The following PDZD8 variants were observed in gnomAD, a reference collection of about 807,000 sequenced individuals.
PDZD8 encodes the protein PDZ domain-containing protein 8.
A neutral mutation model predicts 85.8 loss-of-function variants in PDZD8; 14 were observed. That is an observed-to-expected ratio of 0.16 (90% CI 0.11 to 0.26). The LOEUF (loss-of-function observed/expected upper bound fraction) is 0.26, where lower values mean the gene tolerates loss of function less well. PDZD8 is among the 10% of genes least tolerant of loss of function. PDZD8 has a pLI of 1.00. For missense variants in PDZD8, 1,197 were observed against 1,424.3 expected (o/e 0.84, Z 2.57); for synonymous variants, 592 against 568.6 (o/e 1.04, Z -0.59).
intron 2 of PDZD8, among the ~76,000 whole-genome samples, chr10:117,339,508 T>C (rs1394780044): frequency 6.6e-6 from 1 of 152,222 alleles, no homozygotes; most frequent in Non-Finnish European, 1.5e-5. Flanking sequence ...CTACAGCTTA[T>C]GGTCTAAATT....
intron 2 of PDZD8, among the ~76,000 whole-genome samples, chr10:117,325,543 C>T (rs1328562955): frequency 2.0e-5 from 3 of 151,316 alleles, no homozygotes; most frequent in East Asian, 2.0e-4. Flanking sequence ...GCTGGGATTA[C>T]AGGCGCGTGC....
At position 117,283,779 on chromosome 10, in the gene PDZD8, C is replaced by G; in HGVS notation, c.2954G>C (p.Cys985Ser). 6.2e-7 allele frequency: 1 copy of G among 1,614,226 alleles called. No homozygotes were observed. The highest frequency in any genetic ancestry group is 8.5e-7 in the Non-Finnish European group (1 of 1,180,038). Residue 985 changes from cysteine (C) to serine (S), a missense_variant, in exon 5 of 5, where the codon TGT becomes TCT. Cys to Ser is a moderately radical substitution (Grantham distance 112). Transcript: ENST00000334464. Reference sequence around the variant, plus strand: ...CCGTTTAGAAGGACTGTTTGGACCACAGACCTCCGTGTCACTGCCTTCGTT... The same window carrying G: ...CCGTTTAGAAGGACTGTTTGGACCAGAGACCTCCGTGTCACTGCCTTCGTT... ...SDNEGSDTEV[C>S]GPNSPSKRGN...
chr10:117,374,333 C>T lies in PDZD8; in HGVS notation c.872+23G>A, dbSNP rs982869028. ...AGGCCCGGGTTCCCGGCAGCCAGGC[C>T]CCCTCCCCGACCTCCAGCTCACCTG... On this transcript the variant is annotated intron_variant, in intron 1 of 4. Transcript: ENST00000334464. The surrounding 1 kb of genome is among the most constrained non-coding windows in gnomAD (Gnocchi z 7.8). 5.0e-6 allele frequency: 8 copies of T among 1,606,988 alleles called. No individual in the cohort carries two copies. The Admixed American group carries it at 6.7e-5, about 13-fold the overall frequency.
intron 2 of PDZD8, among the ~76,000 whole-genome samples, chr10:117,335,131 C>T (rs1844494938): frequency 6.6e-6 from 1 of 152,138 alleles, no homozygotes; most frequent in Non-Finnish European, 1.5e-5. Context: ...GGTTGGAAAG[C>T]AGCCAGAGAA....
At chr10:117,357,524 G>C (rs1473541265) in intron 1 of PDZD8, among the ~76,000 whole-genome samples, 2 of 151,966 alleles carry the variant, frequency 1.3e-5, no homozygotes, top group Non-Finnish European at 2.9e-5. Flanking sequence ...CCAACATTTT[G>C]GGAGGCCGAG....
chr10:117,368,055 T>C (rs556968958), intron 1 of PDZD8, among the ~76,000 whole-genome samples: 13 of 152,326 alleles, frequency 8.5e-5, no homozygotes, highest in African/African-American at 3.1e-4. Flanking sequence ...GCCACTAAAA[T>C]AAGCTTTATG....
Position 117,278,606 on chromosome 10 carries a change from CAT to C in PDZD8, c.*4660_*4661del, listed in dbSNP as rs1271783572. 2 of 152,110 alleles carry C rather than the reference CAT, an allele frequency of 1.3e-5. No individual in the cohort carries two copies. Among genetic ancestry groups the C allele is most frequent in the Non-Finnish European group, 2.9e-5 (2 of 68,034 alleles). 9.4% of individuals were successfully genotyped at this position (152,110 alleles called of 1,614,324 possible). On this transcript the variant is annotated 3_prime_UTR_variant, in exon 5 of 5. Coordinates refer to ENST00000334464, the MANE Select transcript of PDZD8 (RefSeq NM_173791.5). ...CTTGTGAATCCTGCAGTTCTATAAT[CAT>C]AAACAAAAATTACTTAGTTTCGTTA...
In PDZD8 at chr10:117,280,232, A is replaced by G. The variant is rs145498532; in HGVS notation, c.*3036T>C. ...AAATGTTGCTCAGTTTGTCTAAGCCATTCACTCAGCTAATACTAATGTAGA... is the reference window on the plus strand; with the variant it reads ...AAATGTTGCTCAGTTTGTCTAAGCCGTTCACTCAGCTAATACTAATGTAGA... On this transcript the variant is annotated 3_prime_UTR_variant, in exon 5 of 5. Coordinates refer to ENST00000334464, the MANE Select transcript of PDZD8 (RefSeq NM_173791.5). The G allele has an allele frequency of 6.4e-4, 97 of 152,320 alleles. No homozygotes were observed. Among genetic ancestry groups the G allele is most frequent in the African/African-American group, 2.3e-3 (96 of 41,586 alleles). The allele number at this position is 152,320 out of a possible 1,614,324, so 9.4% of individuals were successfully genotyped here. A position where few individuals can be genotyped will look rare whatever the true frequency, so the allele number is the denominator to read the frequency against.
Position 117,350,797 on chromosome 10 carries a change from AGGAGGCTGAGGCAGGAGAATG to A in PDZD8, c.873-9716_873-9696del, listed in dbSNP as rs559945194. Among the ~76,000 whole-genome samples, 434 of 151,144 alleles carry A rather than the reference AGGAGGCTGAGGCAGGAGAATG, an allele frequency of 2.9e-3. 3 individuals are homozygous for A. The highest frequency in any genetic ancestry group is 9.9e-3 in the African/African-American group (407 of 41,284). Reference sequence around the variant, plus strand: ...CAGGTGCCTGGAGTCCCTGCTACTCAGGAGGCTGAGGCAGGAGAATGGCATGAACCTGGGAGGCAGAGCTTG... The same window carrying A: ...CAGGTGCCTGGAGTCCCTGCTACTCAGCATGAACCTGGGAGGCAGAGCTTG... On this transcript the variant is annotated intron_variant, in intron 1 of 4. Transcript: ENST00000334464.
chr10:117,357,302 C>T (rs772016729), intron 1 of PDZD8, among the ~76,000 whole-genome samples: 8 of 151,642 alleles, frequency 5.3e-5, no homozygotes, highest in Non-Finnish European at 1.0e-4. Context: ...GGCTGAAGCA[C>T]GAGAATCACT....
chr10:117,373,158 C>T (rs1052258693), intron 1 of PDZD8, among the ~76,000 whole-genome samples: 2 of 152,136 alleles, frequency 1.3e-5, no homozygotes, highest in Non-Finnish European at 2.9e-5. Flanking sequence ...AAAAGTCTTT[C>T]CCCTTCCACT....
At chr10:117,327,786 G>GT (rs924368580) in intron 2 of PDZD8, among the ~76,000 whole-genome samples, 2 of 151,996 alleles carry the variant, frequency 1.3e-5, no homozygotes, top group African/African-American at 4.8e-5. Context: ...TCTGAATTTG[G>GT]TTTTACCTTT....
chr10:117,372,825 A>G (rs1238001215), intron 1 of PDZD8, among the ~76,000 whole-genome samples: 2 of 152,180 alleles, frequency 1.3e-5, no homozygotes, highest in African/African-American at 2.4e-5. Context: ...CTGTTAGCCT[A>G]AACAAAACAT....
In PDZD8 at chr10:117,285,428, C is replaced by T; in HGVS notation, c.1305G>A (p.Lys435=). The change falls in exon 5 of 5, where the codon AAG becomes AAA. Residue 435 remains lysine, a synonymous_variant. Coordinates refer to ENST00000334464, the MANE Select transcript of PDZD8 (RefSeq NM_173791.5). ...TSTLQVLKLI[K]QAGDRVLVYY... ...ACACCAGGACTCGGTCACCAGCCTG[C>T]TTGATAAGCTTCAACACTTGCAGTG... is the stretch of plus-strand genomic sequence containing the variant. The T allele has an allele frequency of 6.2e-7, 1 of 1,612,114 alleles. No homozygotes were observed. The highest frequency in any genetic ancestry group is 8.5e-7 in the Non-Finnish European group (1 of 1,178,372).
intron 3 of PDZD8, among the ~76,000 whole-genome samples, chr10:117,306,599 T>C (rs1843947718): frequency 6.6e-6 from 1 of 152,078 alleles, no homozygotes; most frequent in African/African-American, 2.4e-5. Context: ...ACTCTACTTC[T>C]GCAGATGACT....
chr10:117,344,623 G>A (rs571078706), intron 1 of PDZD8, among the ~76,000 whole-genome samples: 1 of 152,060 alleles, frequency 6.6e-6, no homozygotes, highest in Admixed American at 6.6e-5. Context: ...TCCTGACCTC[G>A]TGATCTGCCC....
chr10:117,298,745 A>AGT (rs1843797392), intron 3 of PDZD8, among the ~76,000 whole-genome samples: 1 of 152,166 alleles, frequency 6.6e-6, no homozygotes, highest in Non-Finnish European at 1.5e-5. Flanking sequence ...GATCGATTCT[A>AGT]AAACTAAAAA....
At chr10:117,357,762 T>C (rs1167515715) in intron 1 of PDZD8, among the ~76,000 whole-genome samples, 7 of 54,536 alleles carry the variant, frequency 1.3e-4, no homozygotes, top group South Asian at 9.0e-4. Flanking sequence ...CAAGACTTCA[T>C]CTCCAAAAAA....
intron 2 of PDZD8, among the ~76,000 whole-genome samples, chr10:117,325,916 C>T (rs1844308520): frequency 2.6e-5 from 4 of 152,242 alleles, no homozygotes; most frequent in South Asian, 2.1e-4. Flanking sequence ...GTAATTGGAT[C>T]GTGGGGATGG....
Sources: gnomAD v4.1 joint callset for allele counts (sites outside exome capture counted in the v4.1 genomes callset) on GRCh38, gnomAD v4.1.1 for gene constraint, Gnocchi (gnomAD v3.1) non-coding constraint, MANE v1.5 for transcripts, NCBI Gene and HGNC (gene_info 2026-07-23, HGNC 2026-07-21) for gene names.